Variants in OXNAD1 observed in about 807,000 individuals in gnomAD.
OXNAD1 encodes oxidoreductase NAD-binding domain-containing protein 1.
Under a neutral mutation model 32.9 loss-of-function variants are expected in OXNAD1, and 34 were observed. The ratio of observed to expected loss-of-function variants is 1.03; its 90% confidence interval spans 0.79 to 1.38. The LOEUF (loss-of-function observed/expected upper bound fraction) is 1.38, where lower values mean the gene tolerates loss of function less well. Among genes scored for constraint, OXNAD1 ranks in the 40% most tolerant of loss-of-function variants. The probability of loss-of-function intolerance (pLI) is 0.00; values close to 1 mark genes in which losing one functional copy is unlikely to be tolerated. For synonymous variants in OXNAD1, 134 were observed against 135.2 expected (o/e 0.99, Z 0.06); for missense variants, 407 against 379.4 (o/e 1.07, Z -0.60).
At chr3:16,274,627 A>C (rs559179398) in intron 4 of OXNAD1, among the ~76,000 whole-genome samples, 18 of 152,344 alleles carry the variant, frequency 1.2e-4, no homozygotes, top group Non-Finnish European at 2.2e-4. Flanking sequence ...AACTATAAAG[A>C]AACAGACTAT....
intron 4 of OXNAD1, among the ~76,000 whole-genome samples, chr3:16,283,503 A>G (rs897872331): frequency 6.6e-6 from 1 of 152,254 alleles, no homozygotes; most frequent in Non-Finnish European, 1.5e-5. Flanking sequence ...ATTCATATCA[A>G]CTGAATGAAT....
chr3:16,286,383 A>G lies in OXNAD1; in HGVS notation c.225A>G (p.Ser75=). The change falls in exon 5 of 9, where the codon TCA becomes TCG. Residue 75 remains serine, a synonymous_variant. Coordinates refer to ENST00000285083, the MANE Select transcript of OXNAD1 (RefSeq NM_138381.5). ...AAKVCGAASE[S]PSVKSLRLLV... is the part of the protein sequence containing the mutation. ...AGGTGTGTGGAGCTGCCAGTGAGTC[A>G]CCGTCAGTGAAGAGCCTCCGCTTGC... 3.1e-6 allele frequency: 5 copies of G among 1,613,968 alleles called. No individual in the cohort carries two copies. Among genetic ancestry groups the G allele is most frequent in the Non-Finnish European group, 4.2e-6 (5 of 1,179,858 alleles).
chr3:16,298,415 G>A lies in OXNAD1; in HGVS notation c.433-3211G>A, dbSNP rs2066950087. 6.6e-6 allele frequency among the ~76,000 whole-genome samples: 1 copy of A among 152,046 alleles called. No homozygotes were observed. Among genetic ancestry groups the A allele is most frequent in the Admixed American group, 6.6e-5 (1 of 15,256 alleles). On this transcript the variant is annotated intron_variant, in intron 6 of 8. Transcript: ENST00000285083. The surrounding 1 kb of genome is among the most constrained non-coding windows in gnomAD (Gnocchi z 5.1). ...TTCCTGCTTGGTTTCATGCCTCATT[G>A]GCATTTCAGTGAAGAAACTTATTCT...
In OXNAD1 at chr3:16,288,704, A is replaced by G. The variant is rs1010344563; in HGVS notation, c.290+2256A>G. Among the ~76,000 whole-genome samples the G allele has an allele frequency of 1.1e-4, 16 of 152,194 alleles. No individual in the cohort carries two copies. The highest frequency in any genetic ancestry group is 3.1e-4 in the African/African-American group (13 of 41,438). ...AGAACCACCTCAAAACATCTCTCAC[A>G]TGAGCAGGGTTGAACTTCTTGGTTC... On this transcript the variant is annotated intron_variant, in intron 5 of 8. Coordinates refer to ENST00000285083, the MANE Select transcript of OXNAD1 (RefSeq NM_138381.5). The surrounding 1 kb of genome is among the most constrained non-coding windows in gnomAD (Gnocchi z 5.1).
Position 16,320,030 on chromosome 3 carries a change from C to T in OXNAD1, c.*30+16438C>T, listed in dbSNP as rs150168994. Among the ~76,000 whole-genome samples, 22 of 152,322 alleles carry T rather than the reference C, an allele frequency of 1.4e-4. No individual in the cohort carries two copies. The highest frequency in any genetic ancestry group is 3.8e-4 in the African/African-American group (16 of 41,574). On this transcript the variant is annotated intron_variant, in intron 9 of 9. Transcript: ENST00000435829. This position sits in a 1 kb window ranked among gnomAD's most constrained non-coding sequence, Gnocchi z 4.5. ...GGGTGTGTCACCAAATCCAATTAGC[C>T]GCCCAATTCAGAAATAACTGTCTAA...
downstream of OXNAD1, among the ~76,000 whole-genome samples, chr3:16,350,944 C>A (rs1374874654): frequency 6.6e-6 from 1 of 152,126 alleles, no homozygotes; most frequent in East Asian, 1.9e-4. Context: ...TGATGTTACT[C>A]CCTGGCAAAT....
At chr3:16,307,291 TCAGTGGTTCA>T (rs2067627671), downstream of OXNAD1, among the ~76,000 whole-genome samples, 2 of 152,340 alleles carry the variant, frequency 1.3e-5, no homozygotes, top group African/African-American at 4.8e-5. Flanking sequence ...CCCTGCTGTG[TCAGTGGTTCA>T]CACTCAATCA....
rs2069017020 is a variant in OXNAD1, at chr3:16,321,217, T to C, written c.*31-15895T>C. On this transcript the variant is annotated intron_variant, in intron 9 of 9. Coordinates refer to the OXNAD1 transcript ENST00000435829. This position sits in a 1 kb window ranked among gnomAD's most constrained non-coding sequence, Gnocchi z 4.8. ...CCTCGAGCCACAGGATGGATGGAGC[T>C]GGAGTCTTGGGGTGCAGTGAGGGCT... Among the ~76,000 whole-genome samples, 1 of 152,002 alleles carries C rather than the reference T, an allele frequency of 6.6e-6. No homozygotes were observed. The highest frequency in any genetic ancestry group is 1.5e-5 in the Non-Finnish European group (1 of 67,984).
In OXNAD1 at chr3:16,277,273, A is replaced by G. The variant is rs566870950; in HGVS notation, c.183+5551A>G. 4.1e-4 allele frequency among the ~76,000 whole-genome samples: 63 copies of G among 152,232 alleles called. No individual in the cohort carries two copies. The highest frequency in any genetic ancestry group is 1.4e-3 in the African/African-American group (59 of 41,536). On this transcript the variant is annotated intron_variant, in intron 4 of 8. Coordinates refer to ENST00000285083, the MANE Select transcript of OXNAD1 (RefSeq NM_138381.5). This position sits in a 1 kb window ranked among gnomAD's most constrained non-coding sequence, Gnocchi z 4.3. ...CCCCTCTTCTCCCATACAGAATGAG[A>G]ACTGCGAAGAGTTGGGAGGAACTGG...
At chr3:16,340,074 A>C (rs1442218978), downstream of OXNAD1, among the ~76,000 whole-genome samples, 4 of 152,228 alleles carry the variant, frequency 2.6e-5, no homozygotes, top group Non-Finnish European at 5.9e-5. Flanking sequence ...ACAGTCATGT[A>C]CTGGCCATAA....
At chr3:16,267,123 G>T (rs1214052342) in intron 1 of OXNAD1, among the ~76,000 whole-genome samples, 13 of 152,146 alleles carry the variant, frequency 8.5e-5, no homozygotes, top group Non-Finnish European at 1.9e-4. Context: ...GCTTTTCTCT[G>T]TCAGTGTCCT....
rs111615083 is a variant in OXNAD1 at position 16,295,022 on chromosome 3, C to T, written c.432+25C>T. ...GGTAAGCACACTGCCTGTTTAAACG[C>T]GATGATCTGGGTATCTCTGCCACCC... On this transcript the variant is annotated intron_variant, in intron 6 of 8. Coordinates refer to ENST00000285083, the MANE Select transcript of OXNAD1 (RefSeq NM_138381.5). 85 of 1,576,696 alleles carry T rather than the reference C, an allele frequency of 5.4e-5. 1 individual carries two copies. The highest frequency in any genetic ancestry group is 1.7e-4 in the Middle Eastern group (1 of 5,902).
rs758887586 is a variant in OXNAD1 at position 16,329,306 on chromosome 3, C to A, written c.*31-7806C>A. On this transcript the variant is annotated intron_variant, in intron 9 of 9. Coordinates refer to the OXNAD1 transcript ENST00000435829. This position sits in a 1 kb window ranked among gnomAD's most constrained non-coding sequence, Gnocchi z 4.5. ...TTGCCTGATCTCAGGTATCCTGTTA[C>A]AACAGCACAAGTGGACCGAGACAGG... Among the ~76,000 whole-genome samples the A allele has an allele frequency of 2.0e-5, 3 of 152,028 alleles. No homozygotes were observed. Among genetic ancestry groups the A allele is most frequent in the Non-Finnish European group, 2.9e-5 (2 of 68,020 alleles).
chr3:16,342,677 C>T lies in OXNAD1; in HGVS notation c.*31-6499C>T, dbSNP rs1453473055. 6.6e-6 allele frequency among the ~76,000 whole-genome samples: 1 copy of T among 152,230 alleles called. No homozygotes were observed. The highest frequency in any genetic ancestry group is 1.5e-5 in the Non-Finnish European group (1 of 68,040). The stretch of plus-strand genomic sequence containing the variant: ...CTCTTGGCCTCACTAGACTAGTTCT[C>T]AAGCCTTCTTAAGTCTAATTTGCCA... On this transcript the variant is annotated intron_variant, in intron 9 of 9. Coordinates refer to the OXNAD1 transcript ENST00000606098. The surrounding 1 kb of genome is among the most constrained non-coding windows in gnomAD (Gnocchi z 4.0).
At position 16,321,171 on chromosome 3, in the gene OXNAD1, G is replaced by A. The variant is rs1219807821; in HGVS notation, c.*31-15941G>A. Among the ~76,000 whole-genome samples the A allele has an allele frequency of 6.6e-6, 1 of 152,186 alleles. No individual in the cohort carries two copies. The highest frequency in any genetic ancestry group is 2.4e-5 in the African/African-American group (1 of 41,434). On this transcript the variant is annotated intron_variant, in intron 9 of 9. Coordinates refer to the OXNAD1 transcript ENST00000435829. The surrounding 1 kb of genome is among the most constrained non-coding windows in gnomAD (Gnocchi z 4.8). ...GTTGGCCAGGTGGGCGAGGTATGGG[G>A]AGGGGGACAGTCATAGGTTTCCTCG... is the stretch of plus-strand genomic sequence containing the variant.
In OXNAD1 at chr3:16,317,267, C is replaced by T. The variant is rs1373632095; in HGVS notation, c.*30+13675C>T. ...AGAAAGGATGGGGATAAATAACAAG[C>T]CTCCGGGAACCCAGAGCTTCACCCA... On this transcript the variant is annotated intron_variant, in intron 9 of 9. Coordinates refer to the OXNAD1 transcript ENST00000435829. This position sits in a 1 kb window ranked among gnomAD's most constrained non-coding sequence, Gnocchi z 4.3. 6.2e-7 allele frequency: 1 copy of T among 1,601,884 alleles called. No homozygotes were observed. The highest frequency in any genetic ancestry group is 1.7e-5 in the Admixed American group (1 of 58,910).
rs1161897072 is a variant in OXNAD1 at position 16,270,961 on chromosome 3, T to C, written c.9T>C (p.Cys3=). The C allele has an allele frequency of 6.2e-7, 1 of 1,614,186 alleles. No individual in the cohort carries two copies. Among genetic ancestry groups the C allele is most frequent in the East Asian group, 2.2e-5 (1 of 44,892 alleles). The change falls in exon 3 of 9, where the codon TGT becomes TGC. Residue 3 remains cysteine (C), a synonymous_variant. Coordinates refer to ENST00000285083, the MANE Select transcript of OXNAD1 (RefSeq NM_138381.5). The part of the protein sequence containing the change: MA[C]AAVMIPGLLR... ...TTTGCCCAGAAAGCGCCATGGCCTG[T>C]GCTGCTGTTATGATTCCTGGGTTGT... is the stretch of plus-strand genomic sequence containing the variant.
chr3:16,289,519 AGAAAC>A lies in OXNAD1; in HGVS notation c.290+3072_290+3076del, dbSNP rs1266018153. 6.6e-6 allele frequency among the ~76,000 whole-genome samples: 1 copy of A among 152,242 alleles called. No individual in the cohort carries two copies. The highest frequency in any genetic ancestry group is 2.4e-5 in the African/African-American group (1 of 41,460). Reference sequence around the variant, plus strand: ...TGCTGAGAGAAAGAGGACACCAAGAAGAAACACTGGAGGAGCAAGATTAGAGAAAT... The same window carrying A: ...TGCTGAGAGAAAGAGGACACCAAGAAACTGGAGGAGCAAGATTAGAGAAAT... On this transcript the variant is annotated intron_variant, in intron 5 of 8. Coordinates refer to ENST00000285083, the MANE Select transcript of OXNAD1 (RefSeq NM_138381.5). This position sits in a 1 kb window ranked among gnomAD's most constrained non-coding sequence, Gnocchi z 4.9.
chr3:16,324,619 C>CCCCA (rs1553718087), intron 9 of OXNAD1, among the ~76,000 whole-genome samples: 1 of 142,488 alleles, frequency 7.0e-6, no homozygotes, highest in Non-Finnish European at 1.5e-5. Context: ...CCTGACCCCC[C>CCCCA]CCCTTTTAAG....
Sources: allele counts gnomAD v4.1 joint callset (sites outside exome capture counted in the v4.1 genomes callset), GRCh38; gene constraint gnomAD v4.1.1; non-coding constraint Gnocchi (gnomAD v3.1); transcripts MANE v1.5; gene names NCBI Gene and HGNC (gene_info 2026-07-23, HGNC 2026-07-21).